The following WDFY3 variants were observed in gnomAD, a reference collection of about 807,000 sequenced individuals.
The protein encoded by WDFY3 is WD repeat and FYVE domain containing 3.
WDFY3 carries 66 observed loss-of-function variants against 409.6 expected under a neutral mutation model. The observed-to-expected ratio is 0.16, with a 90% CI of 0.13 to 0.20. WDFY3 has a LOEUF of 0.20. Among genes scored for constraint, WDFY3 ranks in the 10% least tolerant of loss-of-function variants. The probability of loss-of-function intolerance (pLI) is 1.00; values close to 1 mark genes in which losing one functional copy is unlikely to be tolerated. For missense variants in WDFY3, 3,031 were observed against 4,298.1 expected (o/e 0.71, Z 8.24); for synonymous variants, 1,521 against 1,537.1 (o/e 0.99, Z 0.25).
In WDFY3 at chr4:84,857,070, CTT is replaced by C. The variant is rs541718892; in HGVS notation, c.180+3340_180+3341del. ...ATTAGTCACAATGGTACAGATATAA[CTT>C]TCTATCTTTTCATTAGTTAAGAGTT... is the stretch of plus-strand genomic sequence containing the variant. On this transcript the variant is annotated intron_variant, in intron 4 of 67. Coordinates refer to ENST00000295888, the MANE Select transcript of WDFY3 (RefSeq NM_014991.6). Among the ~76,000 whole-genome samples the C allele has an allele frequency of 4.8e-3, 728 of 152,194 alleles. 6 individuals are homozygous for C. The highest frequency in any genetic ancestry group is 0.016 in the African/African-American group (675 of 41,540).
intron 2 of WDFY3, among the ~76,000 whole-genome samples, chr4:84,923,010 T>C (rs1418224081): frequency 6.6e-6 from 1 of 152,224 alleles, no homozygotes; most frequent in Non-Finnish European, 1.5e-5. Flanking sequence ...TGCTGTGAGA[T>C]CTTTGAACTT....
intron 5 of WDFY3, chr4:84,844,524 A>C (rs1560906006): frequency 7.8e-7 from 1 of 1,289,590 alleles, no homozygotes; most frequent in Non-Finnish European, 1.0e-6. Flanking sequence ...TTAAAAAAAA[A>C]GGCTGGGTTG....
At chr4:84,894,947 C>CAA (rs70943381) in intron 3 of WDFY3, among the ~76,000 whole-genome samples, 7,463 of 98,572 alleles carry the variant, frequency 0.076, 393 homozygotes, top group Admixed American at 0.13. Flanking sequence ...GAGACTGTCT[C>CAA]AAAAAAAAAA....
chr4:84,675,269 T>A (rs372086072), intron 67 of WDFY3, among the ~76,000 whole-genome samples: 1 of 151,928 alleles, frequency 6.6e-6, no homozygotes, highest in Non-Finnish European at 1.5e-5. Context: ...TTATAGGTTT[T>A]ATAGAGCAGG....
At chr4:84,736,907 A>G (rs1029518493) in intron 41 of WDFY3, among the ~76,000 whole-genome samples, 2 of 151,986 alleles carry the variant, frequency 1.3e-5, no homozygotes, top group African/African-American at 4.8e-5. Flanking sequence ...GTGGACCTGT[A>G]GCCAAGACAG....
intron 62 of WDFY3, among the ~76,000 whole-genome samples, chr4:84,685,455 C>T (rs769795208): frequency 2.0e-5 from 3 of 152,178 alleles, no homozygotes; most frequent in African/African-American, 4.8e-5. Context: ...GTTGTGTCTG[C>T]TTCTGTATCA....
chr4:84,894,784 T>TG (rs1388842311), intron 3 of WDFY3, among the ~76,000 whole-genome samples: 1 of 147,894 alleles, frequency 6.8e-6, no homozygotes, highest in Non-Finnish European at 1.5e-5. Flanking sequence ...AGACTCAGTC[T>TG]GAAAAAAAAA....
intron 36 of WDFY3, among the ~76,000 whole-genome samples, chr4:84,750,462 G>C (rs1740323264): frequency 6.6e-6 from 1 of 151,774 alleles, no homozygotes. Flanking sequence ...AGCCACTAGA[G>C]GGAGCACAAA....
rs754643352 is a variant in WDFY3, at chr4:84,833,688, A to AAAGAAAAGAAAAGAG, written c.577-2084_577-2083insCTCTTTTCTTTTCTT. On this transcript the variant is annotated intron_variant, in intron 7 of 67. Coordinates refer to ENST00000295888, the MANE Select transcript of WDFY3 (RefSeq NM_014991.6). The stretch of plus-strand genomic sequence containing the variant: ...AAAGAAAAGAAAAGAAAAGAAAAGA[A>AAAGAAAAGAAAAGAG]AAGAGAAGAGAAGAGAAGAGAACAG... Among the ~76,000 whole-genome samples, 141 of 149,598 alleles carry AAAGAAAAGAAAAGAG rather than the reference A, an allele frequency of 9.4e-4. 1 individual carries two copies. Among genetic ancestry groups the AAAGAAAAGAAAAGAG allele is most frequent in the Admixed American group, 2.1e-3 (32 of 14,906 alleles).
intron 2 of WDFY3, among the ~76,000 whole-genome samples, chr4:84,920,408 A>G (rs1769119201): frequency 6.6e-6 from 1 of 152,210 alleles, no homozygotes; most frequent in African/African-American, 2.4e-5. Context: ...AATATGTTCA[A>G]TGTAACTCTC....
chr4:84,734,943 G>T, intron 43 of WDFY3, 100 bp downstream of exon 43: 1 of 958,704 alleles, frequency 1.0e-6, no homozygotes, highest in Non-Finnish European at 1.6e-6. Context: ...ATGCAGTCCA[G>T]CAAGTACCTT....
At chr4:84,797,339 G>A (rs1400873734) in intron 18 of WDFY3, among the ~76,000 whole-genome samples, 1 of 151,878 alleles carries the variant, frequency 6.6e-6, no homozygotes, top group Non-Finnish European at 1.5e-5. Flanking sequence ...AGAATAAAAA[G>A]ACAAATTCTA....
At chr4:84,952,272 G>A (rs1198946573) in intron 1 of WDFY3, among the ~76,000 whole-genome samples, 1 of 152,148 alleles carries the variant, frequency 6.6e-6, no homozygotes, top group Non-Finnish European at 1.5e-5. Flanking sequence ...TTACTCTGGT[G>A]ACTCAGATAT....
intron 13 of WDFY3, among the ~76,000 whole-genome samples, chr4:84,811,025 T>C (rs1424489287): frequency 6.6e-6 from 1 of 151,976 alleles, no homozygotes; most frequent in Admixed American, 6.6e-5. Context: ...ACAAACAGAG[T>C]CATGCTCTAT....
At chr4:84,878,453 A>G (rs1763068666) in intron 3 of WDFY3, among the ~76,000 whole-genome samples, 1 of 152,230 alleles carries the variant, frequency 6.6e-6, no homozygotes. Flanking sequence ...AATGATATCA[A>G]CAAAAATAAT....
chr4:84,724,656 C>T (rs750167753), intron 45 of WDFY3, 62 bp from the exon 46 acceptor site: 84 of 1,560,352 alleles, frequency 5.4e-5, no homozygotes, highest in Non-Finnish European at 7.2e-5. Context: ...ACGTAATATT[C>T]TTGAGGGAAG....
intron 59 of WDFY3, among the ~76,000 whole-genome samples, chr4:84,692,357 T>C (rs922899181): frequency 6.6e-6 from 1 of 152,148 alleles, no homozygotes; most frequent in Non-Finnish European, 1.5e-5. Flanking sequence ...GTTCCAATTC[T>C]TGGATATTTT....
intron 1 of WDFY3, among the ~76,000 whole-genome samples, chr4:84,960,843 G>A (rs1313603053): frequency 1.3e-5 from 2 of 152,108 alleles, no homozygotes; most frequent in African/African-American, 2.4e-5. Context: ...TTCCAACGGG[G>A]CAACCCAGTA....
chr4:84,814,303 C>T, intron 13 of WDFY3, among the ~76,000 whole-genome samples: 1 of 152,126 alleles, frequency 6.6e-6, no homozygotes, highest in East Asian at 1.9e-4. Flanking sequence ...TTTGCCTTCC[C>T]ACAAGTTGAT....
Sources: gnomAD v4.1 joint callset for allele counts (sites outside exome capture counted in the v4.1 genomes callset) on GRCh38, gnomAD v4.1.1 for gene constraint, MANE v1.5 for transcripts, NCBI Gene and HGNC (gene_info 2026-07-23, HGNC 2026-07-21) for gene names.